ABHD2: variants seen among roughly 807,000 people sequenced by gnomAD.
The protein encoded by ABHD2 is abhydrolase domain containing 2, acylglycerol lipase.
Under a neutral mutation model 48.1 loss-of-function variants are expected in ABHD2, and 20 were observed. That is an observed-to-expected ratio of 0.42 (90% CI 0.29 to 0.60). The LOEUF (loss-of-function observed/expected upper bound fraction) is 0.60. Among genes scored for constraint, ABHD2 ranks in the 20% least tolerant of loss-of-function variants. The probability of loss-of-function intolerance (pLI) is 0.24; values close to 1 mark genes in which losing one functional copy is unlikely to be tolerated. For synonymous variants in ABHD2, 209 were observed against 214.2 expected (o/e 0.98, Z 0.21); for missense variants, 405 against 550.9 (o/e 0.74, Z 2.65).
At chr15:89,129,792 T>TAA (rs1013730794) in intron 3 of ABHD2, among the ~76,000 whole-genome samples, 3 of 141,878 alleles carry the variant, frequency 2.1e-5, no homozygotes, top group Admixed American at 7.0e-5. Context: ...GTATGCTGAT[T>TAA]AAAAAAAAAA....
chr15:89,146,000 A>C (rs1026830802), intron 3 of ABHD2, among the ~76,000 whole-genome samples: 3 of 152,130 alleles, frequency 2.0e-5, no homozygotes, highest in Non-Finnish European at 4.4e-5. Context: ...TCAAATGCTG[A>C]GGAGTAGCTG....
chr15:89,139,466 C>T (rs974458020), intron 3 of ABHD2, among the ~76,000 whole-genome samples: 23 of 152,178 alleles, frequency 1.5e-4, no homozygotes, highest in Non-Finnish European at 2.5e-4. Context: ...CTTCAGATTA[C>T]GAATGCCACC....
intron 3 of ABHD2, among the ~76,000 whole-genome samples, chr15:89,130,693 C>A (rs1039016763): frequency 6.6e-6 from 1 of 152,186 alleles, no homozygotes; most frequent in African/African-American, 2.4e-5. Context: ...CCTGGGACAG[C>A]TTTGATTGCA....
At chr15:89,144,180 C>G (rs1218085454) in intron 3 of ABHD2, among the ~76,000 whole-genome samples, 1 of 152,152 alleles carries the variant, frequency 6.6e-6, no homozygotes, top group Non-Finnish European at 1.5e-5. Flanking sequence ...GTCGCCCAGG[C>G]TTTAGTGTAG....
At chr15:89,165,305 TA>T (rs539993035) in intron 5 of ABHD2, among the ~76,000 whole-genome samples, 1 of 151,694 alleles carries the variant, frequency 6.6e-6, no homozygotes, top group Non-Finnish European at 1.5e-5. Flanking sequence ...TTTTTTTTTT[TA>T]AAAAAATTCC....
intron 1 of ABHD2, among the ~76,000 whole-genome samples, chr15:89,105,443 A>T (rs1365668703): frequency 6.6e-6 from 1 of 152,224 alleles, no homozygotes; most frequent in Non-Finnish European, 1.5e-5. Context: ...TGAGTGTGTG[A>T]CCTTATGACT....
Position 89,151,878 on chromosome 15 carries a change from G to C in ABHD2, c.370+26G>C. On this transcript the variant is annotated intron_variant, in intron 4 of 10. Transcript: ENST00000352732. The surrounding 1 kb of genome is among the most constrained non-coding windows in gnomAD (Gnocchi z 4.7). ...GTGAGCTGCTTTAGATTGTGTGATT[G>C]AGCCATCACTCAGAGAAGGAGCACT... is the stretch of plus-strand genomic sequence containing the variant. The C allele has an allele frequency of 6.2e-7, 1 of 1,609,230 alleles. No homozygotes were observed. The highest frequency in any genetic ancestry group is 8.5e-7 in the Non-Finnish European group (1 of 1,177,244).
intron 9 of ABHD2, 44 bp downstream of exon 9, chr15:89,191,193 G>A: frequency 6.3e-7 from 1 of 1,596,086 alleles, no homozygotes; most frequent in Non-Finnish European, 8.6e-7. Context: ...ACTCCACCCA[G>A]CCTCGCACAC....
chr15:89,127,726 T>TATATAC (rs1442644331), intron 3 of ABHD2, among the ~76,000 whole-genome samples: 1 of 141,924 alleles, frequency 7.0e-6, no homozygotes, highest in African/African-American at 2.8e-5. Flanking sequence ...TATACACATA[T>TATATAC]ATATATATAT....
intron 9 of ABHD2, among the ~76,000 whole-genome samples, chr15:89,191,874 G>A (rs1431448226): frequency 6.6e-6 from 1 of 152,076 alleles, no homozygotes; most frequent in Non-Finnish European, 1.5e-5. Context: ...TGATCTGCCT[G>A]CCTCAGCCTC....
chr15:89,136,160 C>T, intron 3 of ABHD2: 1 of 221,242 alleles, frequency 4.5e-6, no homozygotes. Context: ...AACTCCTGAC[C>T]TTAGGTGATC....
At chr15:89,170,757 G>A (rs1195100183) in intron 5 of ABHD2, among the ~76,000 whole-genome samples, 1 of 152,152 alleles carries the variant, frequency 6.6e-6, no homozygotes, top group African/African-American at 2.4e-5. Context: ...TGATTTCTAA[G>A]TGTCATTTTA....
chr15:89,097,428 A>T lies in ABHD2; in HGVS notation c.-107+8865A>T, dbSNP rs1161728374. Among the ~76,000 whole-genome samples, 2 of 152,200 alleles carry T rather than the reference A, an allele frequency of 1.3e-5. No homozygotes were observed. Among genetic ancestry groups the T allele is most frequent in the Non-Finnish European group, 2.9e-5 (2 of 68,042 alleles). ...AATATCATCATTGTTCAAATTTCCAATTGTTTAAAAATGGCATAAGTGTTT... is the reference window on the plus strand; with the variant it reads ...AATATCATCATTGTTCAAATTTCCATTTGTTTAAAAATGGCATAAGTGTTT... On this transcript the variant is annotated intron_variant, in intron 1 of 10. Transcript: ENST00000352732. The surrounding 1 kb of genome is among the most constrained non-coding windows in gnomAD (Gnocchi z 4.2).
At position 89,199,842 on chromosome 15, in the gene ABHD2, CG is replaced by C. The variant is rs1484838995; in HGVS notation, c.*4420del. ...ACCGCCCCCCACCCCTCACTGCCCC[CG>C]ATTACCCTAGAATTGCTTTCGCCAA... On this transcript the variant is annotated 3_prime_UTR_variant, in exon 11 of 11. Transcript: ENST00000352732. This position sits in a 1 kb window ranked among gnomAD's most constrained non-coding sequence, Gnocchi z 4.1. 6.6e-6 allele frequency: 1 copy of C among 152,334 alleles called. No homozygotes were observed. The highest frequency in any genetic ancestry group is 2.4e-5 in the African/African-American group (1 of 41,292). The allele number at this position is 152,334 out of a possible 1,614,324, so 9.4% of individuals were successfully genotyped here.
In ABHD2 at chr15:89,186,489, C is replaced by T. The variant is rs570180858; in HGVS notation, c.815+973C>T. ...CCTGTGTCCCCTGGCCTCTGCCACA[C>T]TACTTACTGCCCTTGCTGAGAATAC... On this transcript the variant is annotated intron_variant, in intron 7 of 10. Coordinates refer to ENST00000352732, the MANE Select transcript of ABHD2 (RefSeq NM_152924.5). This position sits in a 1 kb window ranked among gnomAD's most constrained non-coding sequence, Gnocchi z 4.3. 2.3e-3 allele frequency among the ~76,000 whole-genome samples: 352 copies of T among 152,280 alleles called. 1 individual carries two copies. The highest frequency in any genetic ancestry group is 7.8e-3 in the African/African-American group (326 of 41,548).
chr15:89,155,600 G>GT lies in ABHD2; in HGVS notation c.538+72dup, dbSNP rs2050660064. ...GTGCTACTACTTCTGCTTCTGCCTT[G>GT]TTTTTTCTTTTTTTAAGTTTTAAAC... is the stretch of plus-strand genomic sequence containing the variant. On this transcript the variant is annotated intron_variant, in intron 5 of 10. Coordinates refer to ENST00000352732, the MANE Select transcript of ABHD2 (RefSeq NM_152924.5). This position sits in a 1 kb window ranked among gnomAD's most constrained non-coding sequence, Gnocchi z 4.9. 3 of 1,550,812 alleles carry GT rather than the reference G, an allele frequency of 1.9e-6. No individual in the cohort carries two copies. The highest frequency in any genetic ancestry group is 1.4e-5 in the African/African-American group (1 of 72,432).
Position 89,179,289 on chromosome 15 carries a change from A to C in ABHD2, c.722+3294A>C, listed in dbSNP as rs2051068787. On this transcript the variant is annotated intron_variant, in intron 6 of 10. Transcript: ENST00000352732. This position sits in a 1 kb window ranked among gnomAD's most constrained non-coding sequence, Gnocchi z 4.3. Reference sequence around the variant, plus strand: ...AGGAGGTGAGCGGTGGGCAGGTCACAGTGGGCAAAGCAGTAGGGAAGCAGT... The same window carrying C: ...AGGAGGTGAGCGGTGGGCAGGTCACCGTGGGCAAAGCAGTAGGGAAGCAGT... 6.6e-6 allele frequency among the ~76,000 whole-genome samples: 1 copy of C among 152,218 alleles called. No individual in the cohort carries two copies. Among genetic ancestry groups the C allele is most frequent in the South Asian group, 2.1e-4 (1 of 4,836 alleles).
the ABHD2 span, among the ~76,000 whole-genome samples, chr15:89,073,064 T>A: frequency 6.6e-6 from 1 of 152,210 alleles, no homozygotes; most frequent in African/African-American, 2.4e-5. Context: ...AAATTCAAAT[T>A]TAACTAGGCA....
At chr15:89,113,657 C>A (rs755004859) in intron 1 of ABHD2, 68 bp from the exon 2 acceptor site, 2 of 152,130 alleles carry the variant, frequency 1.3e-5, no homozygotes, top group Non-Finnish European at 2.9e-5. Context: ...AGGAACTTGA[C>A]TGTGCTTACG....
Sources: gnomAD v4.1 joint callset for allele counts (sites outside exome capture counted in the v4.1 genomes callset) on GRCh38, gnomAD v4.1.1 for gene constraint, Gnocchi (gnomAD v3.1) non-coding constraint, MANE v1.5 for transcripts, NCBI Gene and HGNC (gene_info 2026-07-23, HGNC 2026-07-21) for gene names.